SEMA3C: variants seen among roughly 807,000 people sequenced by gnomAD.
SEMA3C encodes semaphorin 3C.
SEMA3C carries 47 observed loss-of-function variants against 89.4 expected under a neutral mutation model. The ratio of observed to expected loss-of-function variants is 0.53; its 90% CI spans 0.42 to 0.67. The LOEUF (loss-of-function observed/expected upper bound fraction) is 0.67, where lower values mean the gene tolerates loss of function less well. Ranked by LOEUF, SEMA3C falls within the 30% of genes least tolerant of loss-of-function variation. SEMA3C has a pLI of 0.00. For synonymous variants in SEMA3C, 310 were observed against 320.2 expected (o/e 0.97, Z 0.34); for missense variants, 839 against 929.1 (o/e 0.90, Z 1.26).
chr7:80,858,246 T>C (rs1790687724), intron 2 of SEMA3C, among the ~76,000 whole-genome samples: 1 of 152,122 alleles, frequency 6.6e-6, no homozygotes, highest in East Asian at 1.9e-4. Flanking sequence ...TTTCTTTGGG[T>C]GCGGCTCAAA....
intron 2 of SEMA3C, among the ~76,000 whole-genome samples, chr7:80,848,123 C>T (rs895395003): frequency 1.8e-4 from 28 of 152,156 alleles, no homozygotes; most frequent in African/African-American, 5.8e-4. Flanking sequence ...AGCATGTAAA[C>T]TTAACTACAT....
chr7:80,917,731 T>C (rs12707081), intron 1 of SEMA3C, among the ~76,000 whole-genome samples: 84,641 of 152,060 alleles, frequency 0.56, 25,836 homozygotes, highest in South Asian at 0.7. Flanking sequence ...ACACAATCAT[T>C]TTGCTTCTAC....
chr7:80,849,377 C>A (rs569285692), intron 2 of SEMA3C, among the ~76,000 whole-genome samples: 1 of 151,486 alleles, frequency 6.6e-6, no homozygotes, highest in Non-Finnish European at 1.5e-5. Flanking sequence ...CCATTGCTGA[C>A]AAAATACTTT....
chr7:80,846,243 A>C (rs1293676005), intron 2 of SEMA3C, among the ~76,000 whole-genome samples: 8 of 152,022 alleles, frequency 5.3e-5, no homozygotes, highest in Non-Finnish European at 1.2e-4. Context: ...ATCTTTATGC[A>C]CCTACAATAG....
In SEMA3C at chr7:80,918,935, C is replaced by G. The variant is rs1333815471; in HGVS notation, c.-146G>C. On this transcript the variant is annotated 5_prime_UTR_variant, in exon 1 of 18. Transcript: ENST00000265361. Reference sequence around the variant, plus strand: ...GACGACCTTATTTTCTAGCACGTCGCAAAGGTGAAATTCTTTCTTCCCGGT... The same window carrying G: ...GACGACCTTATTTTCTAGCACGTCGGAAAGGTGAAATTCTTTCTTCCCGGT... 1.5e-5 allele frequency: 15 copies of G among 985,452 alleles called. No homozygotes were observed. The highest frequency in any genetic ancestry group is 1.7e-5 in the Non-Finnish European group (14 of 829,946). 61.0% of individuals were successfully genotyped at this position (985,452 alleles called of 1,614,324 possible). A position where few individuals can be genotyped will look rare whatever the true frequency, so the allele number is the denominator to read the frequency against.
intron 2 of SEMA3C, among the ~76,000 whole-genome samples, chr7:80,882,758 G>GT (rs1340218872): frequency 1.3e-5 from 2 of 151,542 alleles, no homozygotes; most frequent in East Asian, 3.9e-4. Flanking sequence ...TTTTCTTTTT[G>GT]TAAGTCCTAT....
chr7:80,778,208 G>A (rs1788595645), intron 12 of SEMA3C, among the ~76,000 whole-genome samples: 1 of 152,116 alleles, frequency 6.6e-6, no homozygotes, highest in Non-Finnish European at 1.5e-5. Context: ...AGGACTTTGT[G>A]AATTACTAAA....
chr7:80,884,039 C>T (rs969388929), intron 2 of SEMA3C, among the ~76,000 whole-genome samples: 2 of 152,138 alleles, frequency 1.3e-5, no homozygotes, highest in Admixed American at 1.3e-4. Context: ...GGCAAAAATA[C>T]TTGTTAACAT....
chr7:80,902,643 A>T (rs2116203683), intron 2 of SEMA3C, among the ~76,000 whole-genome samples: 1 of 152,356 alleles, frequency 6.6e-6, no homozygotes, highest in Non-Finnish European at 1.5e-5. Flanking sequence ...ATTTAAAACC[A>T]AAACACATGT....
rs1380155380 is a variant in SEMA3C at position 80,891,753 on chromosome 7, G to A, written c.103+24926C>T. ...ATCAAACTAAAAGTTACAAAACTAT[G>A]AGGACTAGTGATTTCGTTCTCTTAA... On this transcript the variant is annotated intron_variant, in intron 2 of 17. Transcript: ENST00000265361. 3.3e-5 allele frequency among the ~76,000 whole-genome samples: 5 copies of A among 152,046 alleles called. No individual in the cohort carries two copies. The East Asian group carries it at 9.7e-4, about 29-fold the overall frequency.
intron 7 of SEMA3C, among the ~76,000 whole-genome samples, chr7:80,804,702 C>G (rs764956229): frequency 6.6e-6 from 1 of 152,060 alleles, no homozygotes; most frequent in African/African-American, 2.4e-5. Context: ...CAAGGAAAAA[C>G]AGCGTCATTA....
intron 13 of SEMA3C, among the ~76,000 whole-genome samples, chr7:80,764,068 C>A (rs148242175): frequency 1.8e-4 from 28 of 152,198 alleles, no homozygotes; most frequent in African/African-American, 6.7e-4. Flanking sequence ...AAATGTATTA[C>A]CTAAATCTAA....
chr7:80,819,234 C>G (rs764435176), intron 4 of SEMA3C, among the ~76,000 whole-genome samples: 13,068 of 152,138 alleles, frequency 0.086, 577 homozygotes, highest in African/African-American at 0.1. Context: ...ATTAAAACAA[C>G]ATGGCTTATT....
intron 2 of SEMA3C, among the ~76,000 whole-genome samples, chr7:80,858,086 GACTC>G (rs1197937683): frequency 6.6e-6 from 1 of 151,932 alleles, no homozygotes; most frequent in East Asian, 1.9e-4. Context: ...GTGTCTAAAA[GACTC>G]AATCACACTT....
chr7:80,885,813 C>A (rs1204819986), intron 2 of SEMA3C, among the ~76,000 whole-genome samples: 2 of 152,190 alleles, frequency 1.3e-5, no homozygotes, highest in Admixed American at 1.3e-4. Flanking sequence ...TATGTACATT[C>A]CACCGCTCCA....
chr7:80,838,949 T>C (rs1044919928), intron 2 of SEMA3C, among the ~76,000 whole-genome samples: 1 of 152,182 alleles, frequency 6.6e-6, no homozygotes, highest in Non-Finnish European at 1.5e-5. Flanking sequence ...CATATTTTAC[T>C]TGTGTTGTGT....
Position 80,743,467 on chromosome 7 carries a change from T to C in SEMA3C, c.*1427A>G, listed in dbSNP as rs989801696. 5 of 151,888 alleles carry C rather than the reference T, an allele frequency of 3.3e-5. No homozygotes were observed. Among genetic ancestry groups the C allele is most frequent in the Admixed American group, 2.6e-4 (4 of 15,218 alleles). 9.4% of individuals were successfully genotyped at this position (151,888 alleles called of 1,614,324 possible). On this transcript the variant is annotated 3_prime_UTR_variant, in exon 18 of 18. Coordinates refer to ENST00000265361, the MANE Select transcript of SEMA3C (RefSeq NM_006379.5). ...ATTAACTATAAATAAAATGTTTATATGATATTTGGATTAGGTACATGGTAC... is the reference window on the plus strand; with the variant it reads ...ATTAACTATAAATAAAATGTTTATACGATATTTGGATTAGGTACATGGTAC...
chr7:80,841,615 A>G (rs1790271101), intron 2 of SEMA3C, among the ~76,000 whole-genome samples: 1 of 152,180 alleles, frequency 6.6e-6, no homozygotes, highest in South Asian at 2.1e-4. Flanking sequence ...AGATTCCTTC[A>G]GAATGATGGA....
At chr7:80,895,108 G>T (rs1044246309) in intron 2 of SEMA3C, among the ~76,000 whole-genome samples, 3 of 152,118 alleles carry the variant, frequency 2.0e-5, no homozygotes, top group Non-Finnish European at 4.4e-5. Context: ...GCATGCACGC[G>T]CATGTACACA....
Sources: gnomAD v4.1 joint callset for allele counts (sites outside exome capture counted in the v4.1 genomes callset) on GRCh38, gnomAD v4.1.1 for gene constraint, MANE v1.5 for transcripts, NCBI Gene and HGNC (gene_info 2026-07-23, HGNC 2026-07-21) for gene names.